Variants in LRRK2 observed in about 807,000 individuals in gnomAD.
LRRK2 encodes the protein leucine-rich repeat serine/threonine-protein kinase 2.
LRRK2 carries 203 observed loss-of-function variants against 302.6 expected under a neutral mutation model. The observed-to-expected ratio is 0.67, with a 90% CI of 0.60 to 0.75. The LOEUF is 0.75. Ranked by LOEUF, LRRK2 falls within the 30% of genes least tolerant of loss-of-function variation. The probability of loss-of-function intolerance (pLI) is 0.00; values close to 1 mark genes in which losing one functional copy is unlikely to be tolerated. For synonymous variants in LRRK2, 1,066 were observed against 1,031.9 expected (o/e 1.03, Z -0.63); for missense variants, 2,830 against 2,951.0 (o/e 0.96, Z 0.95).
intron 14 of LRRK2, among the ~76,000 whole-genome samples, chr12:40,271,703 T>C (rs1195672179): frequency 6.6e-6 from 1 of 152,158 alleles, no homozygotes; most frequent in East Asian, 1.9e-4. Flanking sequence ...TACATATATG[T>C]ATATATAAAT....
intron 33 of LRRK2, among the ~76,000 whole-genome samples, chr12:40,317,598 G>A (rs1050382038): frequency 7.9e-5 from 12 of 152,036 alleles, no homozygotes; most frequent in African/African-American, 2.9e-4. Context: ...TATGATAAAA[G>A]AGATATGAAA....
At chr12:40,244,370 A>G (rs939447974) in intron 7 of LRRK2, among the ~76,000 whole-genome samples, 5 of 152,084 alleles carry the variant, frequency 3.3e-5, no homozygotes, top group Admixed American at 2.0e-4. Flanking sequence ...GTAGTATTCT[A>G]TTATTTGGAA....
intron 35 of LRRK2, 53 bp from the exon 36 acceptor site, chr12:40,321,982 T>C (rs1945416033): frequency 6.3e-7 from 1 of 1,590,868 alleles, no homozygotes; most frequent in Admixed American, 1.7e-5. Flanking sequence ...GTGCAGTAGA[T>C]TTTTTCCCTT....
intron 14 of LRRK2, among the ~76,000 whole-genome samples, chr12:40,270,600 T>C (rs1943191015): frequency 6.6e-6 from 1 of 152,122 alleles, no homozygotes. Flanking sequence ...AATGTTTTAG[T>C]GGAGAAGTCT....
intron 41 of LRRK2, among the ~76,000 whole-genome samples, chr12:40,344,482 A>T (rs1946135013): frequency 6.6e-6 from 1 of 152,154 alleles, no homozygotes; most frequent in African/African-American, 2.4e-5. Flanking sequence ...AGTACTCTTG[A>T]CTTTGCTGTT....
rs537993279 is a variant in LRRK2 at position 40,290,125 on chromosome 12, CT to C, written c.2689+2593del. On this transcript the variant is annotated intron_variant, in intron 20 of 50. Coordinates refer to ENST00000298910, the MANE Select transcript of LRRK2 (RefSeq NM_198578.4). ...TTCTTCCTAGTCATTTTTGGAGAGC[CT>C]TTTTTTATCATTAATAGGTGTTGAA... Among the ~76,000 whole-genome samples, 18 of 151,888 alleles carry C rather than the reference CT, an allele frequency of 1.2e-4. No individual in the cohort carries two copies. In the East Asian group the frequency reaches 3.3e-3, roughly 28 times the overall value.
intron 26 of LRRK2, 66 bp from the exon 27 acceptor site, chr12:40,303,882 G>T: frequency 1.4e-6 from 2 of 1,469,358 alleles, no homozygotes. Context: ...AAAATTATTT[G>T]TGATGTTATT....
intron 11 of LRRK2, among the ~76,000 whole-genome samples, chr12:40,253,337 T>A (rs1942363633): frequency 6.6e-6 from 1 of 152,222 alleles, no homozygotes; most frequent in African/African-American, 2.4e-5. Context: ...TTCTCTTTTT[T>A]ATGTTGATAC....
Position 40,295,457 on chromosome 12 carries a change from A to C in LRRK2, c.2909A>C (p.His970Pro). The C allele has an allele frequency of 1.2e-6, 2 of 1,613,508 alleles. No individual in the cohort carries two copies. Among genetic ancestry groups the C allele is most frequent in the Non-Finnish European group, 1.7e-6 (2 of 1,179,948 alleles). Reference sequence around the variant, plus strand: ...TCAAAACTTCAATCCCATATGAGGCATTCAGACAGCATTTCTTCTCTGGCT... The same window carrying C: ...TCAAAACTTCAATCCCATATGAGGCCTTCAGACAGCATTTCTTCTCTGGCT... ...RSSKLQSHMR[H>P]SDSISSLASE... The change falls in exon 23 of 51, where the codon CAT becomes CCT. Residue 970 changes from histidine (H) to proline (P), a missense_variant. Physicochemically the swap from His to Pro is moderately conservative, Grantham distance 77 (BLOSUM62 -2). Around this residue, in one of 3 missense-constraint regions of LRRK2, gnomAD observed 2,121 missense variants for 2,148.0 expected, o/e 0.99. Coordinates refer to ENST00000298910, the MANE Select transcript of LRRK2 (RefSeq NM_198578.4).
chr12:40,225,071 C>G lies in LRRK2; in HGVS notation c.-61C>G, dbSNP rs964674334. 9.3e-6 allele frequency: 15 copies of G among 1,606,764 alleles called. No homozygotes were observed. The highest frequency in any genetic ancestry group is 8.0e-5 in the African/African-American group (6 of 74,738). On this transcript the variant is annotated 5_prime_UTR_variant, in exon 1 of 51. Transcript: ENST00000298910. ...GGGGAGCTGTGGCCGGCGCCCCTGC[C>G]GGTTCCCTGAGCAGCGGACGTTCAT...
Position 40,322,417 on chromosome 12 carries a change from ACT to A in LRRK2, c.5419_5420del (p.Leu1807ValfsTer8). 1 of 1,613,238 alleles carries A rather than the reference ACT, an allele frequency of 6.2e-7. No individual in the cohort carries two copies. The highest frequency in any genetic ancestry group is 8.5e-7 in the Non-Finnish European group (1 of 1,179,474). On this transcript the variant is annotated frameshift_variant, in exon 37 of 51. Transcript: ENST00000298910. LOFTEE classifies it high-confidence loss of function. ...GATTGATATTTGTGGTGAAGGAGAA[ACT>A]CTGTTGAAGAAATGGGCATTATATA... ...LEIDICGEGE[T>X]LLKKWALYSF... is the part of the protein sequence containing the mutation.
At position 40,259,552 on chromosome 12, in the gene LRRK2, A is replaced by T; in HGVS notation, c.1491A>T (p.Ser497=). The T allele has an allele frequency of 6.2e-7, 1 of 1,613,402 alleles. No homozygotes were observed. ...ILTVMKRHET[S]LPVQLEALRA... ...CAGTTATGAAACGTCATGAGACATC[A>T]TTACCAGTGCAGCTGGAGGCGCTTC... The change falls in exon 13 of 51, where the codon TCA becomes TCT. Residue 497 remains serine (S), a synonymous_variant. Transcript: ENST00000298910.
chr12:40,240,050 T>C (rs1184766486), intron 5 of LRRK2, among the ~76,000 whole-genome samples: 1 of 152,204 alleles, frequency 6.6e-6, no homozygotes, highest in African/African-American at 2.4e-5. Context: ...TTGCTCAAGT[T>C]GACAACTCTT....
Position 40,323,798 on chromosome 12 carries a change from CTTTT to C in LRRK2, c.5656+505_5656+508del, listed in dbSNP as rs76080191. ...TGTTACATGGTGACATACTCAAATA[CTTTT>C]TTTTTTTTTTTTGATATGCTGAACA... On this transcript the variant is annotated intron_variant, in intron 38 of 50. Transcript: ENST00000298910. Among the ~76,000 whole-genome samples the C allele has an allele frequency of 1.5e-3, 215 of 146,004 alleles. 1 individual carries two copies. Among genetic ancestry groups the C allele is most frequent in the African/African-American group, 4.2e-3 (168 of 39,664 alleles).
intron 23 of LRRK2, among the ~76,000 whole-genome samples, chr12:40,297,463 C>A (rs1407133974): frequency 2.0e-5 from 3 of 152,094 alleles, no homozygotes; most frequent in East Asian, 3.9e-4. Context: ...ATTTTAAAAT[C>A]TTTACTTCAG....
intron 14 of LRRK2, among the ~76,000 whole-genome samples, chr12:40,267,410 C>T (rs1260220679): frequency 6.6e-6 from 1 of 152,114 alleles, no homozygotes; most frequent in Non-Finnish European, 1.5e-5. Flanking sequence ...GAGGAGGGAA[C>T]AGTTAAGTTT....
chr12:40,298,778 A>AATATATATATATATATATATATAT (rs113272586), intron 24 of LRRK2, among the ~76,000 whole-genome samples: 113 of 60,462 alleles, frequency 1.9e-3, no homozygotes, highest in Middle Eastern at 7.7e-3. Flanking sequence ...GTCTCAAAGA[A>AATATATATATATATATATATATAT]ATATATATAT....
At chr12:40,327,596 T>C (rs770579004) in intron 38 of LRRK2, among the ~76,000 whole-genome samples, 1 of 152,172 alleles carries the variant, frequency 6.6e-6, no homozygotes, top group African/African-American at 2.4e-5. Flanking sequence ...AGATTTGATT[T>C]AGTAGGCAAC....
At chr12:40,243,460 T>C in intron 6 of LRRK2, 90 bp from the exon 7 acceptor site, 2 of 1,410,478 alleles carry the variant, frequency 1.4e-6, no homozygotes, top group Non-Finnish European at 2.0e-6. Flanking sequence ...TGCTGCCATC[T>C]ATTTACAGTC....
Sources: gnomAD v4.1 joint callset for allele counts (sites outside exome capture counted in the v4.1 genomes callset) on GRCh38, gnomAD v4.1.1 for gene constraint, gnomAD v4.1.1 regional missense constraint, MANE v1.5 for transcripts, NCBI Gene and HGNC (gene_info 2026-07-23, HGNC 2026-07-21) for gene names.